The following COL12A1 variants were observed in gnomAD, a reference collection of about 807,000 sequenced individuals.
COL12A1 encodes the protein collagen alpha-1(XII) chain.
A neutral mutation model predicts 349.7 loss-of-function variants in COL12A1; 114 were observed. That is an observed-to-expected ratio of 0.33 (90% confidence interval 0.28 to 0.38). The LOEUF is 0.38. Among genes scored for constraint, COL12A1 ranks in the 10% least tolerant of loss-of-function variants. The pLI, the probability that COL12A1 is intolerant of heterozygous loss-of-function variation, is 1.00. For synonymous variants in COL12A1, 1,369 were observed against 1,329.0 expected (o/e 1.03, Z -0.66); for missense variants, 3,284 against 3,756.9 (o/e 0.87, Z 3.29).
At chr6:75,147,872 C>A in intron 22 of COL12A1, 68 bp from the exon 23 acceptor site, 1 of 1,529,352 alleles carries the variant, frequency 6.5e-7, no homozygotes, top group Non-Finnish European at 8.8e-7. Context: ...ACTATACTTA[C>A]AAAGTAGTTA....
chr6:75,177,700 A>G lies in COL12A1; in HGVS notation c.2400T>C (p.Pro800=). Residue 800 remains proline, a synonymous_variant, in exon 12 of 66, where the codon CCT becomes CCC. Coordinates refer to ENST00000322507, the MANE Select transcript of COL12A1 (RefSeq NM_004370.6). The part of the protein sequence containing the change: ...VSVIPEYFSG[P]GTPLTGNAAT... ...CTGCATTTCCAGTTAATGGAGTACC[A>G]GGTCCTGAGAAATATTCAGGAATTA... 6.2e-7 allele frequency: 1 copy of G among 1,614,130 alleles called. No homozygotes were observed. Among genetic ancestry groups the G allele is most frequent in the Non-Finnish European group, 8.5e-7 (1 of 1,180,018 alleles).
chr6:75,121,968 T>G (rs1433896144), intron 43 of COL12A1, among the ~76,000 whole-genome samples: 1 of 151,522 alleles, frequency 6.6e-6, no homozygotes, highest in East Asian at 2.0e-4. Context: ...CAAGTGATTC[T>G]CCTGCCTCAG....
intron 51 of COL12A1, 144 bp from the exon 52 acceptor site, chr6:75,109,311 G>T (rs1213703778): frequency 1.7e-6 from 1 of 576,934 alleles, no homozygotes; most frequent in Non-Finnish European, 2.9e-6. Flanking sequence ...TCCAAGAGCA[G>T]TTGGCAATGT....
At chr6:75,118,130 G>A (rs560280284) in intron 46 of COL12A1, among the ~76,000 whole-genome samples, 2 of 152,238 alleles carry the variant, frequency 1.3e-5, no homozygotes, top group East Asian at 3.9e-4. Context: ...TAAGGAATTA[G>A]AAATATATTT....
chr6:75,117,985 C>T (rs1769169361), intron 46 of COL12A1, among the ~76,000 whole-genome samples: 1 of 152,066 alleles, frequency 6.6e-6, no homozygotes. Flanking sequence ...AGAACTCTGG[C>T]CATCTTGAAA....
chr6:75,187,121 AG>A (rs1326919503), intron 8 of COL12A1, among the ~76,000 whole-genome samples: 3 of 149,564 alleles, frequency 2.0e-5, no homozygotes, highest in Non-Finnish European at 3.0e-5. Context: ...TGAACTTAAA[AG>A]TTTTAAAAAA....
intron 46 of COL12A1, among the ~76,000 whole-genome samples, chr6:75,118,058 G>A (rs866657112): frequency 6.6e-6 from 1 of 152,092 alleles, no homozygotes; most frequent in Middle Eastern, 3.2e-3. Flanking sequence ...TTTAGGCTAT[G>A]ACAAATAAGC....
chr6:75,126,272 T>C (rs904917825), intron 39 of COL12A1, 79 bp downstream of exon 39: 1 of 1,491,314 alleles, frequency 6.7e-7, no homozygotes. Flanking sequence ...AACCCAACAG[T>C]GGGGGATGAA....
At chr6:75,116,972 T>C (rs1280731273) in intron 47 of COL12A1, among the ~76,000 whole-genome samples, 1 of 152,190 alleles carries the variant, frequency 6.6e-6, no homozygotes, top group Non-Finnish European at 1.5e-5. Context: ...AATGAATTTC[T>C]GAGGAACCAT....
chr6:75,190,272 G>T (rs949263019), intron 5 of COL12A1, among the ~76,000 whole-genome samples: 1 of 151,824 alleles, frequency 6.6e-6, no homozygotes, highest in Admixed American at 6.6e-5. Flanking sequence ...CAAAATAATT[G>T]CTGTACCATT....
chr6:75,173,463 G>A (rs909134060), intron 13 of COL12A1, among the ~76,000 whole-genome samples: 2 of 151,600 alleles, frequency 1.3e-5, no homozygotes, highest in Non-Finnish European at 2.9e-5. Context: ...TGCAACCTCC[G>A]CCTCTCGAGT....
In COL12A1 at chr6:75,115,876, A is replaced by G. The variant is rs1391781164; in HGVS notation, c.7605T>C (p.Ala2535=). 6.2e-7 allele frequency: 1 copy of G among 1,613,650 alleles called. No individual in the cohort carries two copies. The highest frequency in any genetic ancestry group is 1.1e-5 in the South Asian group (1 of 91,058). ...ACTCCAAAGATACTCCTTGTACAGA[A>G]GCAAAATTCTTTTCTGTCAGGTTGT... The part of the protein sequence containing the change: ...EAYNLTEKNF[A]SVQGVSLESG... The change falls in exon 49 of 66, where the codon GCT becomes GCC. Residue 2535 remains alanine, a synonymous_variant. Transcript: ENST00000322507.
intron 26 of COL12A1, 116 bp from the exon 27 acceptor site, chr6:75,142,277 A>G: frequency 8.0e-7 from 1 of 1,244,280 alleles, no homozygotes; most frequent in East Asian, 2.4e-5. Flanking sequence ...AGAAAAGAGC[A>G]GTGTTTTCCA....
At chr6:75,158,327 C>T in intron 14 of COL12A1, among the ~76,000 whole-genome samples, 1 of 152,044 alleles carries the variant, frequency 6.6e-6, no homozygotes, top group East Asian at 1.9e-4. Flanking sequence ...TCTCTCTTTC[C>T]ACATTCACAG....
intron 63 of COL12A1, 56 bp from the exon 64 acceptor site, chr6:75,089,230 T>G: frequency 7.8e-7 from 1 of 1,279,684 alleles, no homozygotes; most frequent in Non-Finnish European, 1.1e-6. Flanking sequence ...AAGCATGTAA[T>G]TTTCATCTTA....
At chr6:75,171,747 A>C (rs534793788) in intron 13 of COL12A1, among the ~76,000 whole-genome samples, 1 of 152,292 alleles carries the variant, frequency 6.6e-6, no homozygotes, top group Admixed American at 6.5e-5. Context: ...ATTCCTGTAT[A>C]TGGTATGTGG....
intron 27 of COL12A1, among the ~76,000 whole-genome samples, chr6:75,140,512 C>A (rs1460788310): frequency 2.6e-5 from 4 of 151,860 alleles, no homozygotes; most frequent in Non-Finnish European, 1.5e-5. Context: ...AAAAATTAGC[C>A]GGGCATTGTG....
Position 75,152,224 on chromosome 6 carries a change from T to C in COL12A1, c.3742A>G (p.Arg1248Gly). The C allele has an allele frequency of 6.2e-7, 1 of 1,613,800 alleles. No individual in the cohort carries two copies. The highest frequency in any genetic ancestry group is 8.5e-7 in the Non-Finnish European group (1 of 1,179,788). ...IALAQYSGDPRTEWQLNAHRD... is the reference protein window; with the variant it reads ...IALAQYSGDPGTEWQLNAHRD... ...TGTGCATTTAACTGCCACTCTGTTC[T>C]GGGATCCCCACTATACTGAGCAAGA... The change falls in exon 19 of 66, where the codon AGA (arginine) becomes GGA (glycine). Residue 1248 changes from arginine to glycine, a missense_variant. Around this residue, in one of 2 missense-constraint regions of COL12A1, gnomAD observed 2,601 missense variants for 2,824.8 expected, o/e 0.92. Coordinates refer to ENST00000322507, the MANE Select transcript of COL12A1 (RefSeq NM_004370.6).
In COL12A1 at chr6:75,177,798, C is replaced by G; in HGVS notation, c.2302G>C (p.Val768Leu). The change falls in exon 12 of 66, where the codon GTT (valine) becomes CTT (leucine). Residue 768 changes from valine to leucine, a missense_variant. By Grantham distance (32) the Val-to-Leu change is conservative. This residue lies in a region of COL12A1 where 2,601 missense variants were observed against 2,824.8 expected (regional missense o/e 0.92). Coordinates refer to ENST00000322507, the MANE Select transcript of COL12A1 (RefSeq NM_004370.6). ...RPVAGGESRE[V>L]TTPPNQRRRT... ...CTCCTCTGATTGGGTGGGGTGGTAACTTCTCTGCTCTCTCCACCAGCAACT... is the reference window on the plus strand; with the variant it reads ...CTCCTCTGATTGGGTGGGGTGGTAAGTTCTCTGCTCTCTCCACCAGCAACT... The G allele has an allele frequency of 6.2e-6, 10 of 1,614,082 alleles. No individual in the cohort carries two copies. Among genetic ancestry groups the G allele is most frequent in the Non-Finnish European group, 8.5e-6 (10 of 1,180,024 alleles).
Sources: allele counts gnomAD v4.1 joint callset (sites outside exome capture counted in the v4.1 genomes callset), GRCh38; gene constraint gnomAD v4.1.1; regional missense constraint gnomAD v4.1.1; transcripts MANE v1.5; gene names NCBI Gene and HGNC (gene_info 2026-07-23, HGNC 2026-07-21).